Variants in SNAP91 observed in about 807,000 individuals in gnomAD.
SNAP91 encodes the protein clathrin coat assembly protein AP180.
SNAP91 carries 27 observed loss-of-function variants against 100.3 expected under a neutral mutation model. That is an observed-to-expected ratio of 0.27 (90% confidence interval 0.20 to 0.37). The LOEUF is 0.37. Ranked by LOEUF, SNAP91 falls within the 10% of genes least tolerant of loss-of-function variation. The pLI, the probability that SNAP91 is intolerant of heterozygous loss-of-function variation, is 1.00. For synonymous variants in SNAP91, 404 were observed against 398.6 expected (o/e 1.01, Z -0.16); for missense variants, 986 against 1,123.7 (o/e 0.88, Z 1.75).
intron 26 of SNAP91, among the ~76,000 whole-genome samples, chr6:83,568,500 A>G (rs1800886031): frequency 6.7e-6 from 1 of 149,812 alleles, no homozygotes; most frequent in Non-Finnish European, 1.5e-5. Context: ...TAATAATAAT[A>G]ATAATAATAA....
intron 12 of SNAP91, 63 bp from the exon 13 acceptor site, chr6:83,607,871 G>A: frequency 2.1e-6 from 2 of 959,926 alleles, no homozygotes; most frequent in Admixed American, 2.9e-5. Context: ...CAGGGCAGCA[G>A]GACTTTTCTT....
At chr6:83,643,588 A>G (rs1249447479) in intron 7 of SNAP91, among the ~76,000 whole-genome samples, 1 of 152,004 alleles carries the variant, frequency 6.6e-6, no homozygotes, top group Non-Finnish European at 1.5e-5. Flanking sequence ...TTTTGGTTAC[A>G]TATGCTATTT....
chr6:83,607,904 C>CT, intron 12 of SNAP91, 96 bp from the exon 13 acceptor site: 1 of 510,306 alleles, frequency 2.0e-6, no homozygotes, highest in South Asian at 6.8e-5. Context: ...ACATGCCCAG[C>CT]AATTTTTTTT....
intron 2 of SNAP91, among the ~76,000 whole-genome samples, chr6:83,701,930 G>A (rs982973102): frequency 6.6e-6 from 1 of 152,174 alleles, no homozygotes; most frequent in Admixed American, 6.5e-5. Context: ...TCACCCAATT[G>A]TTTCAAGGAA....
At chr6:83,611,853 C>T (rs374162378) in intron 11 of SNAP91, among the ~76,000 whole-genome samples, 1,488 of 146,904 alleles carry the variant, frequency 0.01, 23 homozygotes, top group African/African-American at 0.035. Context: ...CCTGCCACCA[C>T]GCCCGGCTAA....
At chr6:83,558,247 C>T (rs1188183636) in intron 28 of SNAP91, among the ~76,000 whole-genome samples, 4 of 151,746 alleles carry the variant, frequency 2.6e-5, no homozygotes, top group African/African-American at 9.7e-5. Flanking sequence ...AGAAATATTT[C>T]TTTTTTTTCA....
chr6:83,662,744 A>G (rs2098576130), intron 3 of SNAP91, among the ~76,000 whole-genome samples: 1 of 152,142 alleles, frequency 6.6e-6, no homozygotes, highest in Non-Finnish European at 1.5e-5. Flanking sequence ...TTTTCACTCA[A>G]AGATTCAAAG....
At chr6:83,580,036 A>G (rs1825817204) in intron 24 of SNAP91, among the ~76,000 whole-genome samples, 1 of 152,192 alleles carries the variant, frequency 6.6e-6, no homozygotes, top group African/African-American at 2.4e-5. Context: ...TTGGTATTCA[A>G]TAAATATTTG....
At chr6:83,584,371 CAA>C (rs1171273931) in intron 22 of SNAP91, among the ~76,000 whole-genome samples, 3 of 151,948 alleles carry the variant, frequency 2.0e-5, no homozygotes, top group East Asian at 3.9e-4. Flanking sequence ...AGAAATGACT[CAA>C]AGAGAAGTTA....
intron 8 of SNAP91, among the ~76,000 whole-genome samples, chr6:83,634,735 G>C (rs1277322004): frequency 6.6e-6 from 1 of 152,116 alleles, no homozygotes; most frequent in African/African-American, 2.4e-5. Flanking sequence ...GTGATGTTAG[G>C]TTATTAATTT....
chr6:83,617,049 G>A lies in SNAP91; in HGVS notation c.808-10C>T. ...TAAGACTGCTGGGAGCCTACAATAA[G>A]AAAGTAAAAATAAATGTCTGCATTG... On this transcript the variant is annotated splice_polypyrimidine_tract_variant and intron_variant, in intron 9 of 29. Transcript: ENST00000369694. 1.3e-6 allele frequency: 2 copies of A among 1,522,896 alleles called. No individual in the cohort carries two copies. The highest frequency in any genetic ancestry group is 1.8e-6 in the Non-Finnish European group (2 of 1,128,936). 94.3% of individuals were successfully genotyped at this position (1,522,896 alleles called of 1,614,324 possible). A position where few individuals can be genotyped will look rare whatever the true frequency, so the allele number is the denominator to read the frequency against.
In SNAP91 at chr6:83,594,477, G is replaced by A. The variant is rs758702510; in HGVS notation, c.1329C>T (p.Ala443=). Residue 443 remains alanine, a synonymous_variant, in exon 17 of 30, where the codon GCC becomes GCT. Transcript: ENST00000369694. ...VTAEVDLFGD[A]FAASPGEAPA... The stretch of plus-strand genomic sequence containing the variant: ...GGGCCTCCCCAGGAGAAGCTGCAAA[G>A]GCATCTTGGGTGCGGTTTTTAAAAC... 1 of 1,501,104 alleles carries A rather than the reference G, an allele frequency of 6.7e-7. No homozygotes were observed. The highest frequency in any genetic ancestry group is 8.9e-7 in the Non-Finnish European group (1 of 1,128,090). 93.0% of individuals were successfully genotyped at this position (1,501,104 alleles called of 1,614,324 possible).
At chr6:83,703,503 C>G (rs1477472467) in intron 2 of SNAP91, among the ~76,000 whole-genome samples, 1 of 152,088 alleles carries the variant, frequency 6.6e-6, no homozygotes, top group Non-Finnish European at 1.5e-5. Flanking sequence ...TTTTTACTCA[C>G]AAAATTTCTT....
In SNAP91 at chr6:83,580,322, C is replaced by T. The variant is rs976387429; in HGVS notation, c.2299+128G>A. The T allele has an allele frequency of 5.4e-6, 5 of 929,408 alleles. No homozygotes were observed. The African/African-American group carries it at 8.4e-5, about 16-fold the overall frequency. The allele number at this position is 929,408 out of a possible 1,614,324, so 57.6% of individuals were successfully genotyped here. On this transcript the variant is annotated intron_variant, in intron 24 of 29. Coordinates refer to ENST00000369694, the MANE Select transcript of SNAP91 (RefSeq NM_001242792.2). ...AGCACTAAGTATTTCTATTCCCTCC[C>T]TGCCATACTCACCCATAAGAGAGTC...
chr6:83,610,249 T>C (rs1249587702), intron 12 of SNAP91, among the ~76,000 whole-genome samples: 4 of 152,086 alleles, frequency 2.6e-5, no homozygotes, highest in South Asian at 2.1e-4. Context: ...GTGTGGTATA[T>C]ACATATAATG....
intron 7 of SNAP91, among the ~76,000 whole-genome samples, chr6:83,650,663 C>T (rs1038536467): frequency 6.6e-6 from 1 of 152,206 alleles, no homozygotes; most frequent in Non-Finnish European, 1.5e-5. Flanking sequence ...AGTGATCCAT[C>T]CCCCTTGGCA....
intron 2 of SNAP91, 44 bp from the exon 3 acceptor site, chr6:83,665,625 T>A: frequency 1.3e-6 from 2 of 1,566,422 alleles, no homozygotes; most frequent in Middle Eastern, 1.7e-4. Flanking sequence ...AACAATTACA[T>A]GCAAAAATTC....
At chr6:83,556,986 C>A (rs1040152686) in intron 28 of SNAP91, among the ~76,000 whole-genome samples, 1 of 152,104 alleles carries the variant, frequency 6.6e-6, no homozygotes, top group African/African-American at 2.4e-5. Context: ...TCAGAGAAGG[C>A]CAAAACTAAT....
At chr6:83,557,947 T>C (rs1025615062) in intron 28 of SNAP91, among the ~76,000 whole-genome samples, 7 of 151,752 alleles carry the variant, frequency 4.6e-5, no homozygotes, top group African/African-American at 1.5e-4. Context: ...TTATGCTTCT[T>C]CTCTGATATA....
Sources: allele counts gnomAD v4.1 joint callset (sites outside exome capture counted in the v4.1 genomes callset), GRCh38; gene constraint gnomAD v4.1.1; transcripts MANE v1.5; gene names NCBI Gene and HGNC (gene_info 2026-07-23, HGNC 2026-07-21).